The following ASIC2 variants were observed in gnomAD, a reference collection of about 807,000 sequenced individuals.
ASIC2 encodes acid sensing ion channel subunit 2, also known as acid-sensing ion channel 2.
A neutral mutation model predicts 57.3 loss-of-function variants in ASIC2; 25 were observed. That is an observed-to-expected ratio of 0.44 (90% confidence interval 0.32 to 0.61). The LOEUF is 0.61. ASIC2 is among the 20% of genes least tolerant of loss of function. ASIC2 has a pLI of 0.06. For synonymous variants in ASIC2, 319 were observed against 307.5 expected (o/e 1.04, Z -0.39); for missense variants, 641 against 738.1 (o/e 0.87, Z 1.52).
chr17:33,685,839 A>C (rs1908168563), intron 1 of ASIC2, among the ~76,000 whole-genome samples: 1 of 152,140 alleles, frequency 6.6e-6, no homozygotes, highest in African/African-American at 2.4e-5. Flanking sequence ...GCAGCGTCTG[A>C]TATGGTGCCC....
rs78810188 is a variant in ASIC2 at position 34,050,688 on chromosome 17, G to A, written c.555+105290C>T. ...AGAAGCAACTCTGAATACATCACCC[G>A]AACCTCAAGCAGCTTATAGACCACA... On this transcript the variant is annotated intron_variant, in intron 1 of 9. Coordinates refer to the ASIC2 transcript ENST00000359872. Among the ~76,000 whole-genome samples, 1,466 of 152,270 alleles carry A rather than the reference G, an allele frequency of 9.6e-3. 16 individuals carry two copies. Among genetic ancestry groups the A allele is most frequent in the South Asian group, 0.041 (199 of 4,826 alleles).
At chr17:34,075,823 CTTTTTTTT>C (rs57703083) in intron 1 of ASIC2, among the ~76,000 whole-genome samples, 6 of 77,538 alleles carry the variant, frequency 7.7e-5, no homozygotes, top group African/African-American at 2.2e-4. Flanking sequence ...TTTCTTTTTC[CTTTTTTTT>C]TTTTTTTTTT....
chr17:33,315,069 G>A (rs1906588769), intron 1 of ASIC2, among the ~76,000 whole-genome samples: 1 of 152,128 alleles, frequency 6.6e-6, no homozygotes, highest in Admixed American at 6.5e-5. Flanking sequence ...GTGACCCAAG[G>A]CAAGTCATTT....
At chr17:33,022,968 T>C (rs2141898282) in intron 6 of ASIC2, among the ~76,000 whole-genome samples, 1 of 152,338 alleles carries the variant, frequency 6.6e-6, no homozygotes, top group South Asian at 2.1e-4. Flanking sequence ...AGGGTCTAAC[T>C]ACGTTACCCA....
At chr17:33,015,902 C>T (rs1264761079) in intron 9 of ASIC2, 69 bp downstream of exon 9, 1 of 1,543,838 alleles carries the variant, frequency 6.5e-7, no homozygotes, top group Admixed American at 1.7e-5. Context: ...CCGGCCCCAG[C>T]ATCTGGTTTT....
At chr17:33,210,564 C>A (rs1374574529) in intron 1 of ASIC2, among the ~76,000 whole-genome samples, 1 of 152,206 alleles carries the variant, frequency 6.6e-6, no homozygotes, top group Non-Finnish European at 1.5e-5. Flanking sequence ...AGGCCAGCTG[C>A]AGACCTTTGA....
chr17:33,107,341 T>C (rs146985801), intron 2 of ASIC2, among the ~76,000 whole-genome samples: 1 of 152,356 alleles, frequency 6.6e-6, no homozygotes, highest in East Asian at 1.9e-4. Context: ...TATTCCTATC[T>C]TGGAGATTCA....
intron 1 of ASIC2, among the ~76,000 whole-genome samples, chr17:33,445,824 C>A (rs1911998143): frequency 1.4e-5 from 2 of 146,888 alleles, no homozygotes; most frequent in Admixed American, 6.8e-5. Context: ...AAATGGGGAT[C>A]AGATGATCTA....
At chr17:33,579,561 A>T (rs1328708673) in intron 1 of ASIC2, among the ~76,000 whole-genome samples, 4 of 152,080 alleles carry the variant, frequency 2.6e-5, no homozygotes, top group Admixed American at 2.6e-4. Context: ...GAAAGGGCAG[A>T]CCCTACTGGT....
intron 1 of ASIC2, among the ~76,000 whole-genome samples, chr17:33,501,605 C>T (rs765853265): frequency 1.3e-5 from 2 of 152,130 alleles, no homozygotes; most frequent in African/African-American, 4.8e-5. Flanking sequence ...CTTTAGGTAC[C>T]GTCGAATCCG....
intron 1 of ASIC2, among the ~76,000 whole-genome samples, chr17:33,265,959 C>T (rs983737051): frequency 2.0e-5 from 3 of 152,144 alleles, no homozygotes; most frequent in African/African-American, 7.2e-5. Flanking sequence ...CCTGAGCTGG[C>T]CCCACTCCTC....
chr17:33,176,865 A>C (rs963523907), intron 1 of ASIC2, among the ~76,000 whole-genome samples: 3 of 152,098 alleles, frequency 2.0e-5, no homozygotes, highest in Admixed American at 1.3e-4. Flanking sequence ...CCACCAAGGG[A>C]AGGGTGAGCA....
chr17:33,578,607 C>T (rs1305636841), intron 1 of ASIC2, among the ~76,000 whole-genome samples: 1 of 152,112 alleles, frequency 6.6e-6, no homozygotes, highest in Non-Finnish European at 1.5e-5. Flanking sequence ...TTGGGAAGAT[C>T]TTTATACGTT....
chr17:33,435,670 T>C (rs950135071), intron 1 of ASIC2, among the ~76,000 whole-genome samples: 2 of 152,202 alleles, frequency 1.3e-5, no homozygotes, highest in Non-Finnish European at 2.9e-5. Context: ...TGTCTCTTTA[T>C]AGAAGCAGTT....
intron 1 of ASIC2, among the ~76,000 whole-genome samples, chr17:34,060,855 A>T (rs1480790063): frequency 9.9e-5 from 15 of 152,114 alleles, no homozygotes; most frequent in Non-Finnish European, 1.8e-4. Context: ...GATTATGTTA[A>T]ATGACCAAAC....
chr17:33,817,391 C>G lies in ASIC2; in HGVS notation c.555+338587G>C, dbSNP rs142206653. Among the ~76,000 whole-genome samples, 9 of 152,326 alleles carry G rather than the reference C, an allele frequency of 5.9e-5. No homozygotes were observed. The East Asian group carries it at 1.7e-3, about 29-fold the overall frequency. ...TGAGTTCTGCCTTGCCTTTGTCATG[C>G]TACTCCCTCTGCCTACAGATGGCCT... On this transcript the variant is annotated intron_variant, in intron 1 of 9. Transcript: ENST00000359872.
intron 3 of ASIC2, among the ~76,000 whole-genome samples, chr17:33,057,730 A>G (rs527853234): frequency 1.3e-5 from 2 of 152,224 alleles, no homozygotes; most frequent in Non-Finnish European, 2.9e-5. Flanking sequence ...CTTTGCCTCC[A>G]GGGCTGACCT....
chr17:33,232,155 C>T (rs752677849), intron 1 of ASIC2, among the ~76,000 whole-genome samples: 4 of 151,984 alleles, frequency 2.6e-5, no homozygotes, highest in Non-Finnish European at 5.9e-5. Flanking sequence ...TCAGGTCATG[C>T]GGGTGGAACT....
In ASIC2 at chr17:33,441,168, G is replaced by A. The variant is rs192246579; in HGVS notation, c.556-329101C>T. ...ACTTATATTTTTTTGTAGGGATGGG[G>A]TCTAGCTATGTTGCCTAGTTTGGTC... On this transcript the variant is annotated intron_variant, in intron 1 of 9. Coordinates refer to the ASIC2 transcript ENST00000359872. Among the ~76,000 whole-genome samples, 569 of 152,166 alleles carry A rather than the reference G, an allele frequency of 3.7e-3. 3 individuals carry two copies. The highest frequency in any genetic ancestry group is 0.013 in the African/African-American group (542 of 41,512).
Sources: gnomAD v4.1 joint callset for allele counts (sites outside exome capture counted in the v4.1 genomes callset) on GRCh38, gnomAD v4.1.1 for gene constraint, MANE v1.5 for transcripts, NCBI Gene and HGNC (gene_info 2026-07-23, HGNC 2026-07-21) for gene names.